Variants in FHIT observed in about 807,000 individuals in gnomAD.
The protein encoded by FHIT is fragile histidine triad diadenosine triphosphatase, also known as bis(5'-adenosyl)-triphosphatase.
FHIT carries 19 observed loss-of-function variants against 17.9 expected under a neutral mutation model. That is an observed-to-expected ratio of 1.06 (90% CI 0.74 to 1.56). The LOEUF is 1.56. Among genes scored for constraint, FHIT ranks in the 40% most tolerant of loss-of-function variants. The pLI is 0.00. For synonymous variants in FHIT, 81 were observed against 69.7 expected, an observed-to-expected ratio of 1.16 and a Z score of -0.81; for missense variants, 248 against 189.2, an observed-to-expected ratio of 1.31 and a Z score of -1.82.
intron 8 of FHIT, among the ~76,000 whole-genome samples, chr3:59,837,815 T>G (rs1407561688): frequency 6.6e-6 from 1 of 152,152 alleles, no homozygotes; most frequent in Non-Finnish European, 1.5e-5. Flanking sequence ...AAAACCTCTC[T>G]GCACTGTTTT....
At chr3:61,171,467 T>G (rs879417766) in intron 2 of FHIT, among the ~76,000 whole-genome samples, 2 of 152,188 alleles carry the variant, frequency 1.3e-5, no homozygotes, top group Admixed American at 1.3e-4. Flanking sequence ...ATAATCTTAA[T>G]TTATAGACTA....
intron 4 of FHIT, among the ~76,000 whole-genome samples, chr3:60,726,108 G>C (rs1553709510): frequency 6.6e-6 from 1 of 152,092 alleles, no homozygotes; most frequent in African/African-American, 2.4e-5. Flanking sequence ...ATCTAGCACT[G>C]GTAGATGACA....
At chr3:60,316,337 A>C (rs1253760878) in intron 5 of FHIT, among the ~76,000 whole-genome samples, 2 of 152,148 alleles carry the variant, frequency 1.3e-5, no homozygotes, top group Non-Finnish European at 2.9e-5. Flanking sequence ...ACCTTTTATA[A>C]ACTGCTTTAT....
chr3:60,815,004 G>A (rs1442050609), intron 4 of FHIT, among the ~76,000 whole-genome samples: 1 of 151,528 alleles, frequency 6.6e-6, no homozygotes, highest in Non-Finnish European at 1.5e-5. Context: ...GGGACAATGA[G>A]CATTTTTTCA....
chr3:61,243,916 T>C (rs2040428622), intron 1 of FHIT: 1 of 152,318 alleles, frequency 6.6e-6, no homozygotes, highest in East Asian at 1.9e-4. Context: ...ATGACAGCTT[T>C]GTGATGACGC....
chr3:60,136,634 G>T (rs1699826841), intron 5 of FHIT, among the ~76,000 whole-genome samples: 1 of 145,038 alleles, frequency 6.9e-6, no homozygotes, highest in African/African-American at 2.8e-5. Flanking sequence ...GTGAGTTCAG[G>T]AATGATGCTT....
At chr3:60,560,691 G>A (rs139218149) in intron 4 of FHIT, among the ~76,000 whole-genome samples, 1,563 of 152,016 alleles carry the variant, frequency 0.01, 41 homozygotes, top group Admixed American at 0.062. Flanking sequence ...CCACAAGCAG[G>A]TACCACAGAA....
chr3:60,379,531 T>C (rs1474257692), intron 5 of FHIT, among the ~76,000 whole-genome samples: 2 of 152,230 alleles, frequency 1.3e-5, no homozygotes, highest in East Asian at 3.8e-4. Context: ...TTTCTTTCCA[T>C]AACTGGAACA....
chr3:60,796,487 T>C (rs1450879818), intron 4 of FHIT, among the ~76,000 whole-genome samples: 1 of 152,192 alleles, frequency 6.6e-6, no homozygotes, highest in Non-Finnish European at 1.5e-5. Flanking sequence ...ATAGCTCATA[T>C]GTGTTATATT....
chr3:60,119,832 C>G (rs1705166004), intron 5 of FHIT, among the ~76,000 whole-genome samples: 1 of 152,128 alleles, frequency 6.6e-6, no homozygotes. Flanking sequence ...TCACATTTAT[C>G]CTCATTAAAC....
At chr3:61,112,677 G>A (rs2118812) in intron 2 of FHIT, among the ~76,000 whole-genome samples, 7,812 of 152,236 alleles carry the variant, frequency 0.051, 377 homozygotes, top group African/African-American at 0.13. Context: ...ACAGGCTGAA[G>A]GCAATAAGAA....
At chr3:60,877,603 C>T (rs1553756798) in intron 3 of FHIT, among the ~76,000 whole-genome samples, 1 of 152,192 alleles carries the variant, frequency 6.6e-6, no homozygotes, top group Non-Finnish European at 1.5e-5. Flanking sequence ...ACAGAACAGT[C>T]ATGCCTGAGT....
chr3:60,013,126 A>C (rs1233750931), intron 6 of FHIT, among the ~76,000 whole-genome samples: 1 of 152,212 alleles, frequency 6.6e-6, no homozygotes, highest in African/African-American at 2.4e-5. Flanking sequence ...TGAGAAGAAG[A>C]TGAGCACTTT....
chr3:60,380,040 T>G (rs1700733130), intron 5 of FHIT, among the ~76,000 whole-genome samples: 1 of 152,230 alleles, frequency 6.6e-6, no homozygotes. Context: ...AAACTTTACA[T>G]TTATTATCTC....
At chr3:60,890,252 C>A (rs1402747519) in intron 3 of FHIT, among the ~76,000 whole-genome samples, 21 of 124,422 alleles carry the variant, frequency 1.7e-4, no homozygotes, top group African/African-American at 5.9e-4. Context: ...AAAAAAAGGC[C>A]AATCCAGAAT....
At chr3:60,334,971 C>G (rs904758803) in intron 5 of FHIT, among the ~76,000 whole-genome samples, 1 of 151,958 alleles carries the variant, frequency 6.6e-6, no homozygotes, top group African/African-American at 2.4e-5. Flanking sequence ...GAAAATAGTC[C>G]CATACAATGT....
At chr3:60,538,944 T>A (rs6775908) in intron 4 of FHIT, among the ~76,000 whole-genome samples, 113,735 of 151,480 alleles carry the variant, frequency 0.75, 42,956 homozygotes, top group African/African-American at 0.82. Context: ...GACAAATGGG[T>A]TCTAATTAAA....
In FHIT at chr3:60,860,531, ATC is replaced by A. The variant is rs1703691201; in HGVS notation, c.-110-38522_-110-38521del. The stretch of plus-strand genomic sequence containing the variant: ...TATATGATACATATGTATCATATAT[ATC>A]AGGTATATATGATACATATGTATCA... On this transcript the variant is annotated intron_variant, in intron 3 of 9. Coordinates refer to ENST00000492590, the MANE Select transcript of FHIT (RefSeq NM_002012.4). 6.1e-5 allele frequency among the ~76,000 whole-genome samples: 2 copies of A among 32,980 alleles called. 1 individual carries two copies. The highest frequency in any genetic ancestry group is 1.8e-4 in the Non-Finnish European group (2 of 11,322). The allele number at this position is 32,980 out of a possible 152,430, so 21.6% of individuals were successfully genotyped here. A position where few individuals can be genotyped will look rare whatever the true frequency, so the allele number is the denominator to read the frequency against.
chr3:61,133,996 G>T (rs748375331), intron 2 of FHIT, among the ~76,000 whole-genome samples: 11 of 152,068 alleles, frequency 7.2e-5, no homozygotes, highest in Non-Finnish European at 1.5e-4. Context: ...GCTGAGGCAG[G>T]AGAATTGCTT....
Sources: gnomAD v4.1 joint callset for allele counts (sites outside exome capture counted in the v4.1 genomes callset) on GRCh38, gnomAD v4.1.1 for gene constraint, MANE v1.5 for transcripts, NCBI Gene and HGNC (gene_info 2026-07-23, HGNC 2026-07-21) for gene names.